The following FGF13 variants were observed in gnomAD, a reference collection of about 807,000 sequenced individuals.
FGF13 encodes fibroblast growth factor homologous factor 2.
Under a neutral mutation model 19.5 loss-of-function variants are expected in FGF13, and 2 were observed. The ratio of observed to expected loss-of-function variants is 0.10; its 90% CI spans 0.04 to 0.32. The LOEUF (loss-of-function observed/expected upper bound fraction) is 0.32. Among genes scored for constraint, FGF13 ranks in the 10% least tolerant of loss-of-function variants. The pLI is 1.00. For missense variants in FGF13, 113 were observed against 192.7 expected (o/e 0.59, Z 2.45); for synonymous variants, 72 against 76.9 (o/e 0.94, Z 0.33).
intron 1 of FGF13, among the ~76,000 whole-genome samples, chrX:139,132,111 A>T (rs183991312): frequency 8.9e-6 from 1 of 111,923 alleles, no homozygotes; most frequent in Non-Finnish European, 1.9e-5. Flanking sequence ...TTTTTCAAAG[A>T]CAAGATGTAG....
chrX:138,813,334 G>A (rs1471080599), intron 3 of FGF13, among the ~76,000 whole-genome samples: 1 of 111,217 alleles, frequency 9.0e-6, no homozygotes, highest in African/African-American at 3.3e-5. Context: ...GCTTATTACT[G>A]CACCAACAGC....
intron 1 of FGF13, among the ~76,000 whole-genome samples, chrX:138,937,054 G>A (rs774021571): frequency 9.0e-6 from 1 of 110,778 alleles, no homozygotes; most frequent in Non-Finnish European, 1.9e-5. Context: ...ACAAAAGCAG[G>A]CCCGGACCCC....
At chrX:138,944,458 G>A (rs193004084) in intron 1 of FGF13, among the ~76,000 whole-genome samples, 3 of 108,847 alleles carry the variant, frequency 2.8e-5, no homozygotes, top group African/African-American at 1.0e-4. Context: ...GTTATTTCAT[G>A]CTGACCAGAT....
At chrX:138,637,173 T>A (rs2089194095) in intron 3 of FGF13, among the ~76,000 whole-genome samples, 1 of 111,995 alleles carries the variant, frequency 8.9e-6, no homozygotes. Context: ...GCAATGTACT[T>A]CTAAGGCAAC....
At chrX:138,792,014 T>C (rs2090746042) in intron 3 of FGF13, among the ~76,000 whole-genome samples, 1 of 112,010 alleles carries the variant, frequency 8.9e-6, no homozygotes. Context: ...ATGACTTAAC[T>C]GTATTCAAAG....
At chrX:138,972,593 G>A (rs1175218004) in intron 1 of FGF13, among the ~76,000 whole-genome samples, 5 of 110,378 alleles carry the variant, frequency 4.5e-5, no homozygotes, top group South Asian at 3.9e-4. Flanking sequence ...TCCTGACCTC[G>A]CAATCCACCT....
At chrX:138,726,629 T>G (rs1367048146) in intron 1 of FGF13, among the ~76,000 whole-genome samples, 1 of 112,149 alleles carries the variant, frequency 8.9e-6, no homozygotes, top group Non-Finnish European at 1.9e-5. Context: ...TCTTATCTAC[T>G]GTAGACCAAC....
intron 1 of FGF13, among the ~76,000 whole-genome samples, chrX:138,974,396 T>A (rs1464171091): frequency 1.8e-5 from 2 of 111,581 alleles, no homozygotes; most frequent in African/African-American, 6.5e-5. Flanking sequence ...TGGAGCTCTC[T>A]GGCTGGTGTG....
chrX:139,058,570 G>T (rs1193396237), intron 1 of FGF13, among the ~76,000 whole-genome samples: 1 of 111,332 alleles, frequency 9.0e-6, no homozygotes, highest in Non-Finnish European at 1.9e-5. Context: ...TATATCAGTT[G>T]TTAGAATTGA....
rs956985121 is a variant in FGF13 at position 138,631,874 on chromosome X, G to A, written c.*976C>T. 4.5e-5 allele frequency: 5 copies of A among 111,999 alleles called. No homozygotes were observed. 9.2% of individuals were successfully genotyped at this position (111,999 alleles called of 1,213,427 possible). A position where few individuals can be genotyped will look rare whatever the true frequency, so the allele number is the denominator to read the frequency against. On this transcript the variant is annotated 3_prime_UTR_variant, in exon 5 of 5. Coordinates refer to ENST00000315930, the MANE Select transcript of FGF13 (RefSeq NM_004114.5). ...AATATATGTTGTTGAGGGAAAACCAGTCTTAACAATTCCTTGTACACAATA... is the reference window on the plus strand; with the variant it reads ...AATATATGTTGTTGAGGGAAAACCAATCTTAACAATTCCTTGTACACAATA...
chrX:138,682,220 C>T (rs901366006), intron 3 of FGF13, among the ~76,000 whole-genome samples: 3 of 112,292 alleles, frequency 2.7e-5, no homozygotes, highest in African/African-American at 9.7e-5. Context: ...ACTCTGTATA[C>T]AAGGAAAACA....
intron 1 of FGF13, among the ~76,000 whole-genome samples, chrX:139,066,387 T>A (rs755773652): frequency 6.2e-4 from 68 of 110,004 alleles, no homozygotes; most frequent in South Asian, 3.9e-4. Context: ...TTTGAAAAGG[T>A]CAACAAAATA....
intron 3 of FGF13, among the ~76,000 whole-genome samples, chrX:138,783,518 A>T (rs1468294214): frequency 1.0e-5 from 1 of 96,509 alleles, no homozygotes; most frequent in Non-Finnish European, 2.1e-5. Context: ...ATGAACAGAC[A>T]CTTCTCAAAA....
chrX:139,068,727 T>G (rs1376657225), intron 1 of FGF13, among the ~76,000 whole-genome samples: 5 of 109,593 alleles, frequency 4.6e-5, no homozygotes, highest in African/African-American at 1.7e-4. Context: ...GATTCCTAGG[T>G]ATTTTATTCT....
intron 3 of FGF13, among the ~76,000 whole-genome samples, chrX:138,677,976 A>G (rs1315171872): frequency 9.0e-6 from 1 of 111,667 alleles, no homozygotes; most frequent in African/African-American, 3.3e-5. Flanking sequence ...TGGCACATAT[A>G]CACCATGGAA....
chrX:138,809,684 T>C (rs1052096701), intron 3 of FGF13, among the ~76,000 whole-genome samples: 4 of 111,905 alleles, frequency 3.6e-5, no homozygotes, highest in Non-Finnish European at 7.5e-5. Context: ...CATGATTGTG[T>C]ATTTAGAAAA....
intron 3 of FGF13, among the ~76,000 whole-genome samples, chrX:138,662,241 G>A (rs539140300): frequency 4.5e-5 from 5 of 111,412 alleles, no homozygotes; most frequent in East Asian, 5.7e-4. Context: ...TCCATTGTTC[G>A]TTTAATTTCA....
At chrX:138,843,193 A>T (rs1188341248) in intron 3 of FGF13, among the ~76,000 whole-genome samples, 1 of 112,241 alleles carries the variant, frequency 8.9e-6, no homozygotes, top group Non-Finnish European at 1.9e-5. Context: ...TAAACAAGAG[A>T]GAAGATAAAG....
At chrX:139,092,551 A>T (rs2083445726) in intron 1 of FGF13, among the ~76,000 whole-genome samples, 1 of 112,083 alleles carries the variant, frequency 8.9e-6, no homozygotes, top group Non-Finnish European at 1.9e-5. Context: ...CTTAGCTTCT[A>T]GTTGGAGCTT....
Sources: allele counts gnomAD v4.1 joint callset (sites outside exome capture counted in the v4.1 genomes callset), GRCh38; gene constraint gnomAD v4.1.1; transcripts MANE v1.5; gene names NCBI Gene and HGNC (gene_info 2026-07-23, HGNC 2026-07-21).